The following CTNNA3 variants were observed in gnomAD, a reference collection of about 807,000 sequenced individuals.
The protein encoded by CTNNA3 is catenin alpha-3.
Under a neutral mutation model 95.7 loss-of-function variants are expected in CTNNA3, and 76 were observed. The observed-to-expected ratio is 0.79, with a 90% CI of 0.66 to 0.96. The LOEUF is 0.96. Ranked by LOEUF, CTNNA3 falls within the 40% of genes least tolerant of loss-of-function variation. CTNNA3 has a pLI of 0.00. For synonymous variants in CTNNA3, 431 were observed against 374.4 expected (o/e 1.15, Z -1.74); for missense variants, 1,191 against 1,089.8 (o/e 1.09, Z -1.31).
At chr10:67,104,527 A>G (rs1193332012) in intron 7 of CTNNA3, among the ~76,000 whole-genome samples, 3 of 152,020 alleles carry the variant, frequency 2.0e-5, no homozygotes, top group African/African-American at 7.2e-5. Flanking sequence ...TTAAACTCAC[A>G]TCTTGAAAAA....
chr10:67,711,237 C>T (rs189361707), intron 1 of CTNNA3, among the ~76,000 whole-genome samples: 216 of 152,150 alleles, frequency 1.4e-3, no homozygotes, highest in Admixed American at 2.1e-3. Flanking sequence ...AGTAGAGTGG[C>T]GCATTACTGA....
At chr10:66,768,164 G>C (rs78472847) in intron 8 of CTNNA3, among the ~76,000 whole-genome samples, 1,523 of 152,162 alleles carry the variant, frequency 0.01, 27 homozygotes, top group African/African-American at 0.034. Flanking sequence ...CAGAGTGGGG[G>C]CATTTTTTAA....
chr10:66,222,622 AAAAG>A (rs147010411), intron 13 of CTNNA3, among the ~76,000 whole-genome samples: 2,793 of 65,224 alleles, frequency 0.043, 93 homozygotes, highest in African/African-American at 0.1. Flanking sequence ...GAAAGAAAGA[AAAAG>A]AAAGAAAGAA....
intron 7 of CTNNA3, among the ~76,000 whole-genome samples, chr10:67,119,186 T>C (rs1233865631): frequency 6.6e-6 from 1 of 151,934 alleles, no homozygotes; most frequent in Non-Finnish European, 1.5e-5. Context: ...GTGAGAATTT[T>C]TCTTTTTCTT....
chr10:67,474,113 T>C (rs777183705), intron 5 of CTNNA3, among the ~76,000 whole-genome samples: 6 of 152,212 alleles, frequency 3.9e-5, no homozygotes, highest in African/African-American at 7.2e-5. Context: ...ATTGGTCTTA[T>C]ATGGAAAATG....
intron 13 of CTNNA3, among the ~76,000 whole-genome samples, chr10:66,267,266 G>A (rs571795217): frequency 2.6e-5 from 4 of 152,044 alleles, no homozygotes; most frequent in African/African-American, 9.6e-5. Flanking sequence ...CTGTACACTG[G>A]CGTCCAGGTA....
At chr10:66,523,558 ATCT>A (rs1345488890) in intron 10 of CTNNA3, among the ~76,000 whole-genome samples, 2 of 152,122 alleles carry the variant, frequency 1.3e-5, no homozygotes, top group African/African-American at 4.8e-5. Flanking sequence ...CCATTCTTAA[ATCT>A]TCTTCACGTA....
intron 9 of CTNNA3, among the ~76,000 whole-genome samples, chr10:66,626,523 A>C (rs1163943235): frequency 6.6e-6 from 1 of 152,142 alleles, no homozygotes; most frequent in Admixed American, 6.6e-5. Flanking sequence ...ATTGTCTTCC[A>C]GGGCAGTCTA....
At chr10:67,503,447 T>C (rs749023630) in intron 5 of CTNNA3, among the ~76,000 whole-genome samples, 1 of 152,028 alleles carries the variant, frequency 6.6e-6, no homozygotes, top group African/African-American at 2.4e-5. Flanking sequence ...TCTTAACTAT[T>C]TTTTTTTATT....
intron 11 of CTNNA3, among the ~76,000 whole-genome samples, chr10:66,443,372 C>A (rs1298081686): frequency 6.6e-6 from 1 of 152,208 alleles, no homozygotes; most frequent in Non-Finnish European, 1.5e-5. Context: ...AAGTGGGTGT[C>A]TGACCCCCGA....
chr10:67,268,207 T>C (rs997012259), intron 5 of CTNNA3, among the ~76,000 whole-genome samples: 5 of 151,902 alleles, frequency 3.3e-5, no homozygotes, highest in Admixed American at 1.3e-4. Context: ...GGCTCATGCT[T>C]GTAAAGTCAG....
intron 11 of CTNNA3, among the ~76,000 whole-genome samples, chr10:66,486,475 A>G (rs1445672565): frequency 1.3e-5 from 2 of 152,168 alleles, no homozygotes; most frequent in Non-Finnish European, 1.5e-5. Context: ...GGAAAGGCAG[A>G]TCAAAGCCAC....
At chr10:66,243,670 T>C (rs1310711827) in intron 13 of CTNNA3, among the ~76,000 whole-genome samples, 1 of 152,204 alleles carries the variant, frequency 6.6e-6, no homozygotes, top group Non-Finnish European at 1.5e-5. Context: ...AAAACCAAGT[T>C]ATAGTCTGAC....
chr10:66,563,738 C>T (rs1842622883), intron 10 of CTNNA3, among the ~76,000 whole-genome samples: 1 of 152,130 alleles, frequency 6.6e-6, no homozygotes, highest in Admixed American at 6.6e-5. Flanking sequence ...AGTCATCCCT[C>T]TGCTCAAATG....
chr10:67,322,966 G>A (rs1841386239), intron 5 of CTNNA3, among the ~76,000 whole-genome samples: 1 of 152,144 alleles, frequency 6.6e-6, no homozygotes, highest in Non-Finnish European at 1.5e-5. Flanking sequence ...TTTCTTTAAT[G>A]ATCAGTGATT....
chr10:66,224,117 A>G (rs903981626), intron 13 of CTNNA3, among the ~76,000 whole-genome samples: 1 of 152,172 alleles, frequency 6.6e-6, no homozygotes, highest in Admixed American at 6.6e-5. Flanking sequence ...GAGCTGAGGC[A>G]TCTCATATCT....
At chr10:67,328,213 G>T (rs779033200) in intron 5 of CTNNA3, among the ~76,000 whole-genome samples, 1 of 152,184 alleles carries the variant, frequency 6.6e-6, no homozygotes, top group African/African-American at 2.4e-5. Flanking sequence ...GGGGGTTGGT[G>T]CATGGCTGTA....
At chr10:66,648,727 C>T (rs1435984658) in intron 9 of CTNNA3, among the ~76,000 whole-genome samples, 1 of 151,948 alleles carries the variant, frequency 6.6e-6, no homozygotes, top group Non-Finnish European at 1.5e-5. Flanking sequence ...TACAATTCAT[C>T]GAGAGGTAAT....
At chr10:65,955,559 C>T (rs908043975) in intron 17 of CTNNA3, among the ~76,000 whole-genome samples, 1 of 152,192 alleles carries the variant, frequency 6.6e-6, no homozygotes, top group African/African-American at 2.4e-5. Flanking sequence ...TGAGATATGG[C>T]CCATCAATAC....
Sources: allele counts gnomAD v4.1 joint callset (sites outside exome capture counted in the v4.1 genomes callset), GRCh38; gene constraint gnomAD v4.1.1; transcripts MANE v1.5; gene names NCBI Gene and HGNC (gene_info 2026-07-23, HGNC 2026-07-21).